The following RBFOX1 variants were observed in gnomAD, a reference collection of about 807,000 sequenced individuals.
RBFOX1 encodes RNA binding fox-1 homolog 1, also known as RNA binding protein fox-1 homolog 1.
RBFOX1 carries 8 observed loss-of-function variants against 57.7 expected under a neutral mutation model. The observed-to-expected ratio is 0.14, with a 90% CI of 0.08 to 0.25. The LOEUF (loss-of-function observed/expected upper bound fraction) is 0.25. Among genes scored for constraint, RBFOX1 ranks in the 10% least tolerant of loss-of-function variants. RBFOX1 has a pLI of 1.00. For missense variants in RBFOX1, 611 were observed against 548.5 expected (o/e 1.11, Z -1.14); for synonymous variants, 326 against 222.4 (o/e 1.47, Z -4.15).
At chr16:7,040,785 T>A (rs1236965608) in intron 3 of RBFOX1, among the ~76,000 whole-genome samples, 1 of 152,260 alleles carries the variant, frequency 6.6e-6, no homozygotes, top group Non-Finnish European at 1.5e-5. Context: ...CTGAAATCAT[T>A]CATTTTCTAA....
At chr16:7,209,142 AAATAAT>A (rs60784195) in intron 4 of RBFOX1, among the ~76,000 whole-genome samples, 12,172 of 140,380 alleles carry the variant, frequency 0.087, 562 homozygotes, top group Middle Eastern at 0.12. Context: ...CAAAAATACA[AAATAAT>A]AATAATAATA....
chr16:5,517,899 A>G (rs1284399645), intron 2 of RBFOX1, among the ~76,000 whole-genome samples: 1 of 151,666 alleles, frequency 6.6e-6, no homozygotes, highest in Non-Finnish European at 1.5e-5. Flanking sequence ...TTACATATAT[A>G]TGTGTATATT....
At chr16:5,258,803 C>T (rs751331134) in intron 1 of RBFOX1, among the ~76,000 whole-genome samples, 2 of 152,106 alleles carry the variant, frequency 1.3e-5, no homozygotes, top group African/African-American at 2.4e-5. Context: ...ATAGTCCCAC[C>T]TACTCGGGAG....
chr16:6,506,961 A>G (rs2096115499), intron 2 of RBFOX1, among the ~76,000 whole-genome samples: 1 of 152,058 alleles, frequency 6.6e-6, no homozygotes, highest in Non-Finnish European at 1.5e-5. Context: ...GTAGTAGCTA[A>G]TCTTTAGTGT....
chr16:6,960,935 C>G (rs544667544), intron 3 of RBFOX1, among the ~76,000 whole-genome samples: 15 of 146,676 alleles, frequency 1.0e-4, no homozygotes, highest in African/African-American at 3.3e-4. Context: ...GGAGACCAGC[C>G]TGGCCAACGT....
chr16:5,281,685 C>T (rs556687308), intron 1 of RBFOX1, among the ~76,000 whole-genome samples: 1 of 152,240 alleles, frequency 6.6e-6, no homozygotes, highest in African/African-American at 2.4e-5. Context: ...TAATGACCTT[C>T]TTTGTCCTTT....
At chr16:7,278,994 T>C (rs1167836585) in intron 4 of RBFOX1, among the ~76,000 whole-genome samples, 1 of 152,150 alleles carries the variant, frequency 6.6e-6, no homozygotes, top group East Asian at 1.9e-4. Flanking sequence ...TATATTTCTC[T>C]TAAGAGCTGG....
At chr16:7,263,553 G>C (rs1603458666) in intron 4 of RBFOX1, among the ~76,000 whole-genome samples, 1 of 152,080 alleles carries the variant, frequency 6.6e-6, no homozygotes, top group Non-Finnish European at 1.5e-5. Flanking sequence ...AGGCAGGGCT[G>C]AGGACCACAG....
At chr16:5,797,849 T>C (rs1013624494) in intron 3 of RBFOX1, among the ~76,000 whole-genome samples, 1 of 152,186 alleles carries the variant, frequency 6.6e-6, no homozygotes, top group African/African-American at 2.4e-5. Context: ...GACTTATAGG[T>C]AAGTCATGAG....
chr16:7,462,756 G>T (rs566232384), intron 4 of RBFOX1, among the ~76,000 whole-genome samples: 14 of 152,222 alleles, frequency 9.2e-5, no homozygotes, highest in African/African-American at 3.1e-4. Flanking sequence ...CAGGGAGATA[G>T]CCCTGGCCTT....
At chr16:7,484,016 A>G (rs562291762) in intron 4 of RBFOX1, among the ~76,000 whole-genome samples, 1 of 152,132 alleles carries the variant, frequency 6.6e-6, no homozygotes, top group African/African-American at 2.4e-5. Flanking sequence ...CCCATTCCCT[A>G]ACCCCTGGCA....
intron 2 of RBFOX1, among the ~76,000 whole-genome samples, chr16:5,495,981 C>G (rs1001511805): frequency 6.6e-6 from 1 of 152,170 alleles, no homozygotes; most frequent in African/African-American, 2.4e-5. Flanking sequence ...CAAACATTAG[C>G]TGGGCATGGT....
chr16:6,962,027 C>T (rs1217247202), intron 3 of RBFOX1, among the ~76,000 whole-genome samples: 2 of 152,148 alleles, frequency 1.3e-5, no homozygotes, highest in Non-Finnish European at 2.9e-5. Context: ...TACCCAGCCC[C>T]TATTCAAGAT....
intron 2 of RBFOX1, among the ~76,000 whole-genome samples, chr16:6,591,568 C>T (rs1281128914): frequency 6.6e-6 from 1 of 152,100 alleles, no homozygotes; most frequent in Admixed American, 6.5e-5. Context: ...GAGAGGAGAC[C>T]ATTTATGCAC....
chr16:5,940,374 G>T (rs1050559502), intron 4 of RBFOX1, among the ~76,000 whole-genome samples: 1 of 152,112 alleles, frequency 6.6e-6, no homozygotes, highest in South Asian at 2.1e-4. Context: ...CAATGTTCAC[G>T]TTCTCATTTG....
At chr16:6,704,279 A>G in intron 3 of RBFOX1, 1 of 152,358 alleles carries the variant, frequency 6.6e-6, no homozygotes, top group East Asian at 1.9e-4. Flanking sequence ...CCTGCTCCAC[A>G]GAGATATGCA....
At chr16:7,117,899 C>G (rs2066264214) in intron 4 of RBFOX1, among the ~76,000 whole-genome samples, 1 of 152,126 alleles carries the variant, frequency 6.6e-6, no homozygotes, top group South Asian at 2.1e-4. Flanking sequence ...CTGCTTGCTT[C>G]TGCACATCCA....
intron 12 of RBFOX1, 164 bp from the exon 13 acceptor site, chr16:7,664,765 C>G: frequency 7.8e-7 from 1 of 1,275,434 alleles, no homozygotes; most frequent in Non-Finnish European, 1.1e-6. Context: ...TCGGTTTGCT[C>G]AACTGCCGTT....
chr16:6,937,277 C>G (rs550859727), intron 3 of RBFOX1, among the ~76,000 whole-genome samples: 2 of 152,102 alleles, frequency 1.3e-5, no homozygotes, highest in Admixed American at 1.3e-4. Flanking sequence ...AACTCACGAC[C>G]AACACTGTTT....
Sources: gnomAD v4.1 joint callset for allele counts (sites outside exome capture counted in the v4.1 genomes callset) on GRCh38, gnomAD v4.1.1 for gene constraint, MANE v1.5 for transcripts, NCBI Gene and HGNC (gene_info 2026-07-23, HGNC 2026-07-21) for gene names.